The following ITSN2 variants were observed in gnomAD, a reference collection of about 807,000 sequenced individuals.
ITSN2 encodes intersectin 2.
Under a neutral mutation model 243.7 loss-of-function variants are expected in ITSN2, and 156 were observed. The observed-to-expected ratio is 0.64, with a 90% CI of 0.56 to 0.73. The LOEUF (loss-of-function observed/expected upper bound fraction) is 0.73. Among genes scored for constraint, ITSN2 ranks in the 30% least tolerant of loss-of-function variants. The probability of loss-of-function intolerance (pLI) is 0.00; values close to 1 mark genes in which losing one functional copy is unlikely to be tolerated. For synonymous variants in ITSN2, 703 were observed against 699.9 expected (o/e 1.00, Z -0.07); for missense variants, 1,801 against 1,996.1 (o/e 0.90, Z 1.86).
At chr2:24,354,867 T>A (rs1484125463) in intron 1 of ITSN2, among the ~76,000 whole-genome samples, 2 of 152,240 alleles carry the variant, frequency 1.3e-5, no homozygotes, top group Non-Finnish European at 2.9e-5. Context: ...CCACTAAATG[T>A]CTGCCATAAT....
At position 24,211,042 on chromosome 2, in the gene ITSN2, G is replaced by C; in HGVS notation, c.4090-95C>G. On this transcript the variant is annotated intron_variant, in intron 33 of 39. Coordinates refer to ENST00000355123, the MANE Select transcript of ITSN2 (RefSeq NM_006277.3). This position sits in a 1 kb window ranked among gnomAD's most constrained non-coding sequence, Gnocchi z 4.1. ...ACCGCTCCTCCAACCCCATGTTATG[G>C]ACTGCTTCCATGCCCTGGAAACGCG... 8.2e-7 allele frequency: 1 copy of C among 1,224,330 alleles called. No homozygotes were observed. Among genetic ancestry groups the C allele is most frequent in the Non-Finnish European group, 1.2e-6 (1 of 857,406 alleles). The allele number at this position is 1,224,330 out of a possible 1,614,324, so 75.8% of individuals were successfully genotyped here. A position where few individuals can be genotyped will look rare whatever the true frequency, so the allele number is the denominator to read the frequency against.
At chr2:24,235,237 G>GC (rs1558461266) in intron 29 of ITSN2, among the ~76,000 whole-genome samples, 3 of 152,186 alleles carry the variant, frequency 2.0e-5, no homozygotes, top group Admixed American at 1.3e-4. Flanking sequence ...ATCTGAAAAG[G>GC]CTATGTACTG....
intron 9 of ITSN2, among the ~76,000 whole-genome samples, chr2:24,303,170 GA>G (rs906703092): frequency 2.0e-5 from 3 of 148,970 alleles, no homozygotes; most frequent in Admixed American, 6.7e-5. Context: ...TCTACTTACA[GA>G]AAAAAAAAAG....
At position 24,286,354 on chromosome 2, in the gene ITSN2, GA is replaced by G. The variant is rs754796551; in HGVS notation, c.1724-4del. The stretch of plus-strand genomic sequence containing the variant: ...ATGAAGTAAACTGACCCCTGAATCT[GA>G]AAAACAAACATCAGACAGTTTACAT... On this transcript the variant is annotated splice_polypyrimidine_tract_variant and splice_region_variant and intron_variant, in intron 15 of 39. Transcript: ENST00000355123. 1.2e-6 allele frequency: 2 copies of G among 1,609,098 alleles called. No individual in the cohort carries two copies. Among genetic ancestry groups the G allele is most frequent in the African/African-American group, 1.3e-5 (1 of 74,622 alleles).
chr2:24,351,382 T>G (rs1418724581), intron 1 of ITSN2, among the ~76,000 whole-genome samples: 2 of 152,204 alleles, frequency 1.3e-5, no homozygotes, highest in South Asian at 2.1e-4. Context: ...TATTCTTTAA[T>G]AAGCACAGGT....
chr2:24,297,735 T>G (rs889077590), intron 13 of ITSN2, among the ~76,000 whole-genome samples: 4 of 152,114 alleles, frequency 2.6e-5, no homozygotes, highest in African/African-American at 9.7e-5. Flanking sequence ...ATCTGAAAAC[T>G]GAAAATCACT....
At chr2:24,244,815 A>T (rs936295436) in intron 29 of ITSN2, among the ~76,000 whole-genome samples, 2 of 152,222 alleles carry the variant, frequency 1.3e-5, no homozygotes, top group Admixed American at 6.5e-5. Context: ...AAGTTGGGAA[A>T]CTTAGTTGCT....
chr2:24,345,243 C>T (rs1687417378), intron 1 of ITSN2, among the ~76,000 whole-genome samples: 1 of 152,068 alleles, frequency 6.6e-6, no homozygotes, highest in African/African-American at 2.4e-5. Context: ...CAGATTTCCC[C>T]CATTTCAGCC....
chr2:24,285,887 G>T (rs1574151224), intron 16 of ITSN2, among the ~76,000 whole-genome samples: 1 of 152,102 alleles, frequency 6.6e-6, no homozygotes, highest in Admixed American at 6.5e-5. Flanking sequence ...TCTCATTTTT[G>T]AAAATTGCCT....
chr2:24,204,180 G>T lies in ITSN2; in HGVS notation c.4936+65C>A. ...GGTCTGCACACAGCTGAAGCCCCTA[G>T]ATCTGGACTCCAGGATCTAGGAAAC... On this transcript the variant is annotated intron_variant, in intron 39 of 39. Transcript: ENST00000355123. The surrounding 1 kb of genome is among the most constrained non-coding windows in gnomAD (Gnocchi z 5.1). 2 of 1,525,928 alleles carry T rather than the reference G, an allele frequency of 1.3e-6. No homozygotes were observed. The highest frequency in any genetic ancestry group is 1.4e-5 in the African/African-American group (1 of 73,100). 94.5% of individuals were successfully genotyped at this position (1,525,928 alleles called of 1,614,324 possible). A position where few individuals can be genotyped will look rare whatever the true frequency, so the allele number is the denominator to read the frequency against.
intron 31 of ITSN2, 67 bp from the exon 32 acceptor site, chr2:24,216,299 C>A: frequency 7.9e-7 from 1 of 1,271,802 alleles, no homozygotes; most frequent in South Asian, 1.6e-5. Context: ...GGATGAATCC[C>A]ATGGCAGACC....
Position 24,303,876 on chromosome 2 carries a change from G to A in ITSN2, c.794-14C>T, listed in dbSNP as rs1212572622. On this transcript the variant is annotated splice_polypyrimidine_tract_variant and intron_variant, in intron 8 of 39. Transcript: ENST00000355123. ...TAGCTTGAAAACCTGATTAAGTGGG[G>A]AAAATCATAAAGGAATTCTTTAGCA... 1 of 1,568,414 alleles carries A rather than the reference G, an allele frequency of 6.4e-7. No individual in the cohort carries two copies.
chr2:24,262,302 T>C (rs190311827), intron 20 of ITSN2, among the ~76,000 whole-genome samples: 175 of 152,354 alleles, frequency 1.1e-3, no homozygotes, highest in African/African-American at 4.0e-3. Flanking sequence ...TCATGCAGCA[T>C]GCTGCTGATT....
At chr2:24,322,480 T>C (rs1238700527) in intron 2 of ITSN2, among the ~76,000 whole-genome samples, 1 of 152,220 alleles carries the variant, frequency 6.6e-6, no homozygotes, top group African/African-American at 2.4e-5. Context: ...TGGAGATAAT[T>C]CAAGGTGGAA....
At chr2:24,343,036 AGTCAAGATC>A (rs1321336807) in intron 1 of ITSN2, among the ~76,000 whole-genome samples, 2 of 151,410 alleles carry the variant, frequency 1.3e-5, no homozygotes, top group Non-Finnish European at 2.9e-5. Flanking sequence ...GGTTGCAGTG[AGTCAAGATC>A]GTGCCACTGT....
chr2:24,347,012 C>T (rs968491873), intron 1 of ITSN2, among the ~76,000 whole-genome samples: 6 of 151,766 alleles, frequency 4.0e-5, no homozygotes, highest in Non-Finnish European at 8.8e-5. Context: ...CTACAGGCAC[C>T]CGCCACCACG....
chr2:24,295,614 G>C, intron 14 of ITSN2, 50 bp downstream of exon 14: 1 of 1,397,428 alleles, frequency 7.2e-7, no homozygotes, highest in Middle Eastern at 1.9e-4. Flanking sequence ...CAGCCCAGAA[G>C]AACTATTAAT....
chr2:24,323,907 T>C lies in ITSN2; in HGVS notation c.31+4145A>G, dbSNP rs550047666. 3.9e-5 allele frequency among the ~76,000 whole-genome samples: 6 copies of C among 152,344 alleles called. No individual in the cohort carries two copies. In the South Asian group the frequency reaches 1.2e-3, roughly 32 times the overall value. ...TCTTTAGTTAGAAACCTTAAGACTATTTTAAGTCTGAAGAGTTTGGTTAAG... is the reference window on the plus strand; with the variant it reads ...TCTTTAGTTAGAAACCTTAAGACTACTTTAAGTCTGAAGAGTTTGGTTAAG... On this transcript the variant is annotated intron_variant, in intron 2 of 39. Transcript: ENST00000355123.
intron 25 of ITSN2, among the ~76,000 whole-genome samples, chr2:24,251,756 TTAA>T (rs1466191241): frequency 2.6e-5 from 4 of 151,616 alleles, no homozygotes; most frequent in Non-Finnish European, 5.9e-5. Context: ...TGTAATGGAT[TTAA>T]TTATTGTTAT....
Sources: gnomAD v4.1 joint callset for allele counts (sites outside exome capture counted in the v4.1 genomes callset) on GRCh38, gnomAD v4.1.1 for gene constraint, Gnocchi (gnomAD v3.1) non-coding constraint, MANE v1.5 for transcripts, NCBI Gene and HGNC (gene_info 2026-07-23, HGNC 2026-07-21) for gene names.